CNTNAP5: variants seen among roughly 807,000 people sequenced by gnomAD.
CNTNAP5 encodes contactin associated protein family member 5.
CNTNAP5 carries 72 observed loss-of-function variants against 150.2 expected under a neutral mutation model. That is an observed-to-expected ratio of 0.48 (90% CI 0.40 to 0.58). CNTNAP5 has a LOEUF of 0.58. CNTNAP5 is among the 20% of genes least tolerant of loss of function. CNTNAP5 has a pLI of 0.00. For synonymous variants in CNTNAP5, 672 were observed against 619.8 expected, an observed-to-expected ratio of 1.08 and a Z score of -1.25; for missense variants, 1,636 against 1,626.2, an observed-to-expected ratio of 1.01 and a Z score of -0.10.
Position 124,349,060 on chromosome 2 carries a change from G to A in CNTNAP5, c.382-68383G>A, listed in dbSNP as rs142969135. Reference sequence around the variant, plus strand: ...CTTAACTAGTAGAGATTGTGTAGAAGTGTTGCTTTGATTGGACATGTCTGG... The same window carrying A: ...CTTAACTAGTAGAGATTGTGTAGAAATGTTGCTTTGATTGGACATGTCTGG... On this transcript the variant is annotated intron_variant, in intron 3 of 23. Transcript: ENST00000682447. 4.5e-3 allele frequency among the ~76,000 whole-genome samples: 684 copies of A among 152,266 alleles called. 4 individuals are homozygous for A. Among genetic ancestry groups the A allele is most frequent in the African/African-American group, 0.016 (648 of 41,554 alleles).
intron 13 of CNTNAP5, among the ~76,000 whole-genome samples, chr2:124,671,607 T>C (rs973855966): frequency 2.0e-5 from 3 of 152,178 alleles, no homozygotes; most frequent in African/African-American, 7.2e-5. Context: ...CTATGAATGC[T>C]AACTTTAATC....
chr2:124,086,748 C>T (rs550853601), intron 1 of CNTNAP5, among the ~76,000 whole-genome samples: 1 of 151,664 alleles, frequency 6.6e-6, no homozygotes, highest in East Asian at 1.9e-4. Context: ...TGGGTCATGG[C>T]TTATAATCCT....
At chr2:124,258,164 C>A (rs1687361606) in intron 3 of CNTNAP5, among the ~76,000 whole-genome samples, 1 of 152,094 alleles carries the variant, frequency 6.6e-6, no homozygotes, top group African/African-American at 2.4e-5. Context: ...GGCTACAGTT[C>A]TGGGGTATGG....
chr2:124,177,468 G>A (rs1308348529), intron 1 of CNTNAP5, among the ~76,000 whole-genome samples: 2 of 151,876 alleles, frequency 1.3e-5, no homozygotes, highest in South Asian at 4.2e-4. Context: ...GAACAGGTCT[G>A]GACTCAAATC....
At chr2:124,736,865 G>A (rs1573583018) in intron 13 of CNTNAP5, among the ~76,000 whole-genome samples, 1 of 152,084 alleles carries the variant, frequency 6.6e-6, no homozygotes, top group East Asian at 1.9e-4. Context: ...TGCAAGCAAG[G>A]CACCATTCTC....
intron 8 of CNTNAP5, among the ~76,000 whole-genome samples, chr2:124,504,937 A>T (rs561964336): frequency 1.1e-4 from 16 of 152,006 alleles, no homozygotes; most frequent in African/African-American, 3.1e-4. Context: ...GCATCTCTTG[A>T]CCTTGTGATC....
chr2:124,390,287 C>T (rs1407612913), intron 3 of CNTNAP5, among the ~76,000 whole-genome samples: 1 of 152,184 alleles, frequency 6.6e-6, no homozygotes, highest in African/African-American at 2.4e-5. Flanking sequence ...ATTAACTTCT[C>T]ACCTGTCAAC....
chr2:124,445,290 G>A (rs1419757408), intron 5 of CNTNAP5, among the ~76,000 whole-genome samples: 1 of 151,612 alleles, frequency 6.6e-6, no homozygotes, highest in African/African-American at 2.4e-5. Flanking sequence ...TAGAGATGGG[G>A]TTTCACCACA....
chr2:124,195,153 T>C (rs1188980571), intron 1 of CNTNAP5, among the ~76,000 whole-genome samples: 1 of 152,204 alleles, frequency 6.6e-6, no homozygotes, highest in Non-Finnish European at 1.5e-5. Flanking sequence ...GAACATTTAT[T>C]ACTCTGGCAA....
intron 19 of CNTNAP5, among the ~76,000 whole-genome samples, chr2:124,826,153 T>C (rs904681831): frequency 3.9e-5 from 6 of 152,162 alleles, no homozygotes; most frequent in Non-Finnish European, 8.8e-5. Flanking sequence ...TATTACTACA[T>C]TAATTATTAA....
At chr2:124,201,212 C>T (rs1336888022) in intron 1 of CNTNAP5, among the ~76,000 whole-genome samples, 1 of 152,202 alleles carries the variant, frequency 6.6e-6, no homozygotes, top group African/African-American at 2.4e-5. Context: ...AGAAGGACTT[C>T]TCTCTCAGCC....
intron 19 of CNTNAP5, among the ~76,000 whole-genome samples, chr2:124,846,645 C>T (rs571348414): frequency 3.9e-5 from 6 of 152,204 alleles, no homozygotes; most frequent in Middle Eastern, 6.8e-3. Flanking sequence ...GTTAAAGAAA[C>T]TTGTTGTATC....
chr2:124,547,085 AC>A (rs1318376273), intron 10 of CNTNAP5, among the ~76,000 whole-genome samples: 4 of 151,890 alleles, frequency 2.6e-5, no homozygotes, highest in Non-Finnish European at 4.4e-5. Context: ...CCCACCCCCG[AC>A]CAAAACCCTA....
intron 1 of CNTNAP5, among the ~76,000 whole-genome samples, chr2:124,169,179 A>G (rs1684875044): frequency 6.6e-6 from 1 of 151,924 alleles, no homozygotes; most frequent in East Asian, 1.9e-4. Flanking sequence ...AGAGAATAGC[A>G]TGGGGCAAAA....
chr2:124,048,786 G>A (rs1214603512), intron 1 of CNTNAP5, among the ~76,000 whole-genome samples: 1 of 152,140 alleles, frequency 6.6e-6, no homozygotes, highest in Non-Finnish European at 1.5e-5. Flanking sequence ...GTCATCCAAG[G>A]TTATTTGAGT....
intron 3 of CNTNAP5, among the ~76,000 whole-genome samples, chr2:124,317,049 A>T (rs1188659519): frequency 6.6e-6 from 1 of 152,080 alleles, no homozygotes; most frequent in African/African-American, 2.4e-5. Context: ...AGTGGGTGCT[A>T]TGCAGCAACA....
chr2:124,686,043 G>T (rs1051275079), intron 13 of CNTNAP5, among the ~76,000 whole-genome samples: 5 of 151,980 alleles, frequency 3.3e-5, no homozygotes, highest in African/African-American at 1.2e-4. Flanking sequence ...TTAACCCTTG[G>T]CCCATCTAAT....
rs1439540991 is a variant in CNTNAP5 at position 124,915,461 on chromosome 2, AAGTTTCACATTT to A, written c.*1174_*1185del. ...GTGAAGATAGTTAATTCAAATTTGC[AAGTTTCACATTT>A]TTTAACATCAAGCTATTCTCCAAGA... On this transcript the variant is annotated 3_prime_UTR_variant, in exon 24 of 24. Transcript: ENST00000682447. 1.6e-4 allele frequency among the ~76,000 whole-genome samples: 25 copies of A among 152,030 alleles called. No individual in the cohort carries two copies. Among genetic ancestry groups the A allele is most frequent in the African/African-American group, 5.1e-4 (21 of 41,434 alleles).
chr2:124,246,844 T>A (rs1424866928), intron 3 of CNTNAP5, among the ~76,000 whole-genome samples: 1 of 152,158 alleles, frequency 6.6e-6, no homozygotes, highest in African/African-American at 2.4e-5. Flanking sequence ...GAATATTCTA[T>A]ATTTTATTAA....
Sources: allele counts gnomAD v4.1 joint callset (sites outside exome capture counted in the v4.1 genomes callset), GRCh38; gene constraint gnomAD v4.1.1; transcripts MANE v1.5; gene names NCBI Gene and HGNC (gene_info 2026-07-23, HGNC 2026-07-21).